Variants in ARHGAP15 observed in about 807,000 individuals in gnomAD.
ARHGAP15 encodes the protein Rho GTPase activating protein 15, also known as rho GTPase-activating protein 15.
A neutral mutation model predicts 63.7 loss-of-function variants in ARHGAP15; 51 were observed. That is an observed-to-expected ratio of 0.80 (90% CI 0.64 to 1.01). The LOEUF (loss-of-function observed/expected upper bound fraction) is 1.01. ARHGAP15 is among the 50% of genes least tolerant of loss of function. The probability of loss-of-function intolerance (pLI) is 0.00; values close to 1 mark genes in which losing one functional copy is unlikely to be tolerated. For synonymous variants in ARHGAP15, 191 were observed against 193.8 expected, an observed-to-expected ratio of 0.99 and a Z score of 0.12; for missense variants, 560 against 564.6, an observed-to-expected ratio of 0.99 and a Z score of 0.08.
intron 8 of ARHGAP15, among the ~76,000 whole-genome samples, chr2:143,441,116 C>A (rs889359182): frequency 2.6e-5 from 4 of 152,056 alleles, no homozygotes; most frequent in African/African-American, 9.7e-5. Context: ...TTATTATCCT[C>A]CATGTCCCCA....
At chr2:143,681,872 G>C (rs1021712919) in intron 12 of ARHGAP15, among the ~76,000 whole-genome samples, 1 of 152,168 alleles carries the variant, frequency 6.6e-6, no homozygotes, top group African/African-American at 2.4e-5. Flanking sequence ...CTGCAGCTTG[G>C]TGCCCTATTC....
At chr2:143,278,915 A>T (rs1269385216) in intron 6 of ARHGAP15, among the ~76,000 whole-genome samples, 1 of 150,884 alleles carries the variant, frequency 6.6e-6, no homozygotes, top group Non-Finnish European at 1.5e-5. Flanking sequence ...GATTAAAAGA[A>T]GGCAGATTTA....
At chr2:143,614,512 A>G (rs1221145178) in intron 11 of ARHGAP15, among the ~76,000 whole-genome samples, 1 of 152,192 alleles carries the variant, frequency 6.6e-6, no homozygotes, top group African/African-American at 2.4e-5. Flanking sequence ...ATACAAAAAT[A>G]ATGCTGTGTG....
At chr2:143,594,947 T>C (rs910422598) in intron 11 of ARHGAP15, among the ~76,000 whole-genome samples, 1 of 152,140 alleles carries the variant, frequency 6.6e-6, no homozygotes, top group African/African-American at 2.4e-5. Flanking sequence ...CCTGCTTACA[T>C]TGTTCAGTTT....
In ARHGAP15 at chr2:143,186,758, A is replaced by G. The variant is rs897443934; in HGVS notation, c.166-15376A>G. Among the ~76,000 whole-genome samples, 15 of 152,338 alleles carry G rather than the reference A, an allele frequency of 9.8e-5. No homozygotes were observed. In the East Asian group the frequency reaches 2.9e-3, roughly 29 times the overall value. Reference sequence around the variant, plus strand: ...AAACAAACACTTTGATCATTTAAAAATGATGGCTCTTGCTGAGAGTACTAA... The same window carrying G: ...AAACAAACACTTTGATCATTTAAAAGTGATGGCTCTTGCTGAGAGTACTAA... On this transcript the variant is annotated intron_variant, in intron 2 of 13. Coordinates refer to ENST00000295095, the MANE Select transcript of ARHGAP15 (RefSeq NM_018460.4).
At chr2:143,141,680 G>T (rs993812001) in intron 1 of ARHGAP15, among the ~76,000 whole-genome samples, 2 of 152,246 alleles carry the variant, frequency 1.3e-5, no homozygotes, top group African/African-American at 4.8e-5. Context: ...AATGTCTGAC[G>T]ATCCTCTTTC....
At chr2:143,156,281 A>G (rs1014850376) in intron 2 of ARHGAP15, among the ~76,000 whole-genome samples, 6 of 151,898 alleles carry the variant, frequency 4.0e-5, no homozygotes, top group African/African-American at 1.4e-4. Flanking sequence ...ATCCTGAGCC[A>G]CTAAACCCAC....
At chr2:143,432,161 C>T (rs184894243) in intron 6 of ARHGAP15, among the ~76,000 whole-genome samples, 1 of 152,092 alleles carries the variant, frequency 6.6e-6, no homozygotes, top group East Asian at 1.9e-4. Context: ...CCAAATTCTA[C>T]ACAATGAAGT....
At chr2:143,149,426 T>A (rs1469069641) in intron 1 of ARHGAP15, among the ~76,000 whole-genome samples, 1 of 151,946 alleles carries the variant, frequency 6.6e-6, no homozygotes, top group East Asian at 1.9e-4. Context: ...TCCAGAAGCA[T>A]CCTTCTTTTA....
chr2:143,207,443 T>C (rs561989627), intron 3 of ARHGAP15, among the ~76,000 whole-genome samples: 2 of 151,682 alleles, frequency 1.3e-5, no homozygotes, highest in East Asian at 1.9e-4. Flanking sequence ...TTTTTCTGTT[T>C]TCTCTTTTTC....
intron 10 of ARHGAP15, among the ~76,000 whole-genome samples, chr2:143,542,353 G>A (rs566726104): frequency 5.9e-5 from 9 of 152,028 alleles, no homozygotes; most frequent in African/African-American, 9.6e-5. Flanking sequence ...GCCCTGCTTC[G>A]GCTCATGCAC....
chr2:143,448,012 A>C (rs988251032), intron 8 of ARHGAP15, among the ~76,000 whole-genome samples: 1 of 152,162 alleles, frequency 6.6e-6, no homozygotes, highest in Admixed American at 6.6e-5. Flanking sequence ...GAGCCAGGGA[A>C]GAGAACATAC....
intron 6 of ARHGAP15, among the ~76,000 whole-genome samples, chr2:143,275,345 C>A (rs16858972): frequency 0.019 from 2,954 of 152,146 alleles, 88 homozygotes; most frequent in African/African-American, 0.066. Context: ...CATCACGGAA[C>A]TATTGATAGC....
chr2:143,531,116 A>ATGTGTGTGCGCGTGCG lies in ARHGAP15; in HGVS notation c.925+11764_925+11765insTGCGTGTGTGTGCGCG, dbSNP rs767978773. Among the ~76,000 whole-genome samples the ATGTGTGTGCGCGTGCG allele has an allele frequency of 1.8e-4, 5 of 27,458 alleles. No homozygotes were observed. In the South Asian group the frequency reaches 6.9e-3, roughly 38 times the overall value. The allele number at this position is 27,458 out of a possible 152,430, so 18.0% of individuals were successfully genotyped here. A position where few individuals can be genotyped will look rare whatever the true frequency, so the allele number is the denominator to read the frequency against. On this transcript the variant is annotated intron_variant, in intron 10 of 13. Transcript: ENST00000295095. ...TTGCCTGGGTTGATGCTGTGTGTGT[A>ATGTGTGTGCGCGTGCG]TGTGTGTGCGCGCATGTGTGTGTTC...
At chr2:143,319,782 GT>G (rs1334545745) in intron 6 of ARHGAP15, among the ~76,000 whole-genome samples, 1 of 151,968 alleles carries the variant, frequency 6.6e-6, no homozygotes, top group Non-Finnish European at 1.5e-5. Context: ...TGCACTTATG[GT>G]TTTCTGTAAA....
At chr2:143,170,199 G>A (rs1168289653) in intron 2 of ARHGAP15, among the ~76,000 whole-genome samples, 2 of 152,008 alleles carry the variant, frequency 1.3e-5, no homozygotes, top group Non-Finnish European at 2.9e-5. Flanking sequence ...CTGATTCTTA[G>A]GGAAAATCAC....
chr2:143,217,635 A>G lies in ARHGAP15; in HGVS notation c.296+1190A>G, dbSNP rs577590527. ...TAGAGAATTGGGTTCTGAAGGAACA[A>G]CAGGAGGAAGTCTTTGAGTAGCCCA... On this transcript the variant is annotated intron_variant, in intron 4 of 13. Transcript: ENST00000295095. 3.3e-5 allele frequency among the ~76,000 whole-genome samples: 5 copies of G among 152,286 alleles called. No individual in the cohort carries two copies. The East Asian group carries it at 7.7e-4, about 24-fold the overall frequency.
intron 2 of ARHGAP15, among the ~76,000 whole-genome samples, chr2:143,174,405 A>G (rs1028927306): frequency 1.1e-4 from 17 of 152,140 alleles, no homozygotes; most frequent in Non-Finnish European, 1.8e-4. Flanking sequence ...TCTCCCATCC[A>G]TAATTGGCAA....
chr2:143,534,356 G>A (rs1467578010), intron 10 of ARHGAP15, among the ~76,000 whole-genome samples: 3 of 152,132 alleles, frequency 2.0e-5, no homozygotes, highest in African/African-American at 7.2e-5. Flanking sequence ...AAATTACCGA[G>A]TCATAGGCAG....
Sources: gnomAD v4.1 joint callset for allele counts (sites outside exome capture counted in the v4.1 genomes callset) on GRCh38, gnomAD v4.1.1 for gene constraint, MANE v1.5 for transcripts, NCBI Gene and HGNC (gene_info 2026-07-23, HGNC 2026-07-21) for gene names.